The following SGCZ variants were observed in gnomAD, a reference collection of about 807,000 sequenced individuals.
SGCZ encodes sarcoglycan zeta, also known as zeta-sarcoglycan.
A neutral mutation model predicts 41.3 loss-of-function variants in SGCZ; 40 were observed. That is an observed-to-expected ratio of 0.97 (90% CI 0.75 to 1.26). The LOEUF (loss-of-function observed/expected upper bound fraction) is 1.26. SGCZ is among the 50% of genes most tolerant of loss of function. The pLI is 0.00. For missense variants in SGCZ, 552 were observed against 369.8 expected, an observed-to-expected ratio of 1.49 and a Z score of -4.04; for synonymous variants, 206 against 137.5, an observed-to-expected ratio of 1.50 and a Z score of -3.49.
Position 15,107,082 on chromosome 8 carries a change from T to C in SGCZ, c.39+130503A>G, listed in dbSNP as rs983503513. Among the ~76,000 whole-genome samples the C allele has an allele frequency of 2.0e-5, 3 of 152,220 alleles. No homozygotes were observed. The South Asian group carries it at 6.2e-4, about 31-fold the overall frequency. ...TTCATTATATAATCAGGGTATATTA[T>C]TTGTTAATGCACCATTCTTTTCTAA... is the stretch of plus-strand genomic sequence containing the variant. On this transcript the variant is annotated intron_variant, in intron 1 of 7. Transcript: ENST00000382080.
rs117745417 is a variant in SGCZ at position 14,127,954 on chromosome 8, G to C, written c.548-19719C>G. On this transcript the variant is annotated intron_variant, in intron 5 of 7. Transcript: ENST00000382080. Reference sequence around the variant, plus strand: ...CCGCATCAAGTAGACCAAAGTGTCTGTTGTTTCCTTCTTTGTATACATAAG... The same window carrying C: ...CCGCATCAAGTAGACCAAAGTGTCTCTTGTTTCCTTCTTTGTATACATAAG... 7.1e-4 allele frequency among the ~76,000 whole-genome samples: 108 copies of C among 152,252 alleles called. 1 individual carries two copies. In the East Asian group the frequency reaches 0.018, roughly 25 times the overall value.
intron 5 of SGCZ, among the ~76,000 whole-genome samples, chr8:14,133,942 T>C (rs894688800): frequency 6.6e-6 from 1 of 152,208 alleles, no homozygotes; most frequent in African/African-American, 2.4e-5. Context: ...ACCAGAACAT[T>C]TATTTCCTCA....
intron 1 of SGCZ, among the ~76,000 whole-genome samples, chr8:14,990,099 G>A (rs993437217): frequency 2.0e-5 from 3 of 152,126 alleles, no homozygotes; most frequent in South Asian, 2.1e-4. Flanking sequence ...ATGGTCAAAC[G>A]TTGCCCTGCA....
chr8:14,502,897 A>G lies in SGCZ; in HGVS notation c.234+51835T>C, dbSNP rs1473368627. ...TGGAAGACAGTGTGGTGATTCCTCAAGGATCTAGAACCAGAAATACCATTT... is the reference window on the plus strand; with the variant it reads ...TGGAAGACAGTGTGGTGATTCCTCAGGGATCTAGAACCAGAAATACCATTT... On this transcript the variant is annotated intron_variant, in intron 2 of 7. Transcript: ENST00000382080. 2.6e-5 allele frequency among the ~76,000 whole-genome samples: 4 copies of G among 152,318 alleles called. No homozygotes were observed. The East Asian group carries it at 5.8e-4, about 22-fold the overall frequency.
intron 4 of SGCZ, among the ~76,000 whole-genome samples, chr8:14,205,179 T>G (rs1489286908): frequency 6.6e-6 from 1 of 152,108 alleles, no homozygotes; most frequent in Non-Finnish European, 1.5e-5. Context: ...TTATTTTTTT[T>G]TTTTCACTTC....
chr8:14,421,826 C>T (rs988325354), intron 2 of SGCZ, among the ~76,000 whole-genome samples: 5 of 151,758 alleles, frequency 3.3e-5, no homozygotes, highest in African/African-American at 7.3e-5. Flanking sequence ...ATTTTATAAT[C>T]GAAAGGAAAA....
At chr8:14,372,492 T>A (rs531851773) in intron 2 of SGCZ, among the ~76,000 whole-genome samples, 7 of 152,158 alleles carry the variant, frequency 4.6e-5, no homozygotes, top group Middle Eastern at 3.4e-3. Context: ...GAGAAAGAAA[T>A]CTCAAGTAAA....
intron 3 of SGCZ, among the ~76,000 whole-genome samples, chr8:14,251,087 G>A (rs1374794774): frequency 1.3e-5 from 2 of 152,066 alleles, no homozygotes; most frequent in Non-Finnish European, 2.9e-5. Context: ...AATTAGCCGG[G>A]TGCAGTGGTA....
At chr8:14,189,591 T>C (rs1805025445) in intron 4 of SGCZ, among the ~76,000 whole-genome samples, 1 of 152,218 alleles carries the variant, frequency 6.6e-6, no homozygotes, top group Non-Finnish European at 1.5e-5. Context: ...ATTTAGCTTT[T>C]CATAATGAGC....
chr8:15,209,026 G>A (rs1290683318), intron 1 of SGCZ, among the ~76,000 whole-genome samples: 4 of 151,866 alleles, frequency 2.6e-5, no homozygotes, highest in African/African-American at 9.7e-5. Context: ...AGAGGTCAAA[G>A]GAATCCTAGA....
At chr8:14,939,650 TATC>T (rs763947610) in intron 1 of SGCZ, among the ~76,000 whole-genome samples, 22 of 152,266 alleles carry the variant, frequency 1.4e-4, no homozygotes, top group Non-Finnish European at 2.9e-4. Flanking sequence ...AGATTAGTAT[TATC>T]ATATGTAAAT....
At chr8:14,719,863 A>G (rs1379251943) in intron 1 of SGCZ, among the ~76,000 whole-genome samples, 1 of 151,962 alleles carries the variant, frequency 6.6e-6, no homozygotes, top group Non-Finnish European at 1.5e-5. Context: ...GTTTAATGAG[A>G]TCCCATTTGT....
chr8:15,143,799 G>T, intron 1 of SGCZ, among the ~76,000 whole-genome samples: 1 of 4,136 alleles, frequency 2.4e-4, no homozygotes, highest in African/African-American at 2.5e-4. Flanking sequence ...TTTTTTTTGA[G>T]ACGGAGTCTC....
At chr8:14,242,812 A>T (rs1465283573) in intron 3 of SGCZ, among the ~76,000 whole-genome samples, 1 of 152,146 alleles carries the variant, frequency 6.6e-6, no homozygotes, top group African/African-American at 2.4e-5. Context: ...TACCACGAGG[A>T]AGTACTGTGT....
intron 2 of SGCZ, among the ~76,000 whole-genome samples, chr8:14,408,405 C>T (rs7840593): frequency 0.13 from 20,430 of 151,970 alleles, 3,009 homozygotes; most frequent in African/African-American, 0.37. Context: ...TTCCTCCTCT[C>T]GTCCCACCCC....
At chr8:14,163,096 C>G (rs1482475581) in intron 5 of SGCZ, among the ~76,000 whole-genome samples, 2 of 152,084 alleles carry the variant, frequency 1.3e-5, no homozygotes, top group African/African-American at 4.8e-5. Context: ...GGACTTGAAC[C>G]AAGCGATTCT....
intron 2 of SGCZ, among the ~76,000 whole-genome samples, chr8:14,383,832 C>T (rs1183621189): frequency 2.0e-5 from 3 of 151,918 alleles, no homozygotes; most frequent in Non-Finnish European, 4.4e-5. Context: ...CAAAACTCAG[C>T]GAAGAGGTTT....
chr8:14,604,617 A>C (rs917814041), intron 1 of SGCZ, among the ~76,000 whole-genome samples: 1 of 152,208 alleles, frequency 6.6e-6, no homozygotes, highest in East Asian at 1.9e-4. Context: ...CATTCCTCCA[A>C]GATATGACTG....
intron 1 of SGCZ, among the ~76,000 whole-genome samples, chr8:14,751,664 T>C (rs1476629581): frequency 6.6e-6 from 1 of 152,102 alleles, no homozygotes; most frequent in East Asian, 1.9e-4. Flanking sequence ...CCTGAGAGGA[T>C]TTGCCTCCCG....
Sources: gnomAD v4.1 joint callset for allele counts (sites outside exome capture counted in the v4.1 genomes callset) on GRCh38, gnomAD v4.1.1 for gene constraint, MANE v1.5 for transcripts, NCBI Gene and HGNC (gene_info 2026-07-23, HGNC 2026-07-21) for gene names.